Variants in PER3 observed in about 807,000 individuals in gnomAD.
PER3 encodes period circadian regulator 3, also known as period circadian protein homolog 3.
A neutral mutation model predicts 127.2 loss-of-function variants in PER3; 107 were observed. That is an observed-to-expected ratio of 0.84 (90% CI 0.72 to 0.99). PER3 has a LOEUF of 0.99. PER3 is among the 50% of genes least tolerant of loss of function. PER3 has a pLI of 0.00. For missense variants in PER3, 1,560 were observed against 1,525.8 expected (o/e 1.02, Z -0.37); for synonymous variants, 618 against 585.8 (o/e 1.05, Z -0.79).
intron 19 of PER3, among the ~76,000 whole-genome samples, chr1:7,832,231 T>G (rs2097334556): frequency 6.6e-6 from 1 of 152,086 alleles, no homozygotes; most frequent in Non-Finnish European, 1.5e-5. Flanking sequence ...ACCCCTCTTA[T>G]TGCTGGTATT....
At position 7,826,505 on chromosome 1, in the gene PER3, GC is replaced by G; in HGVS notation, c.1986del (p.Trp663GlyfsTer3). The G allele has an allele frequency of 6.2e-7, 1 of 1,612,654 alleles. No individual in the cohort carries two copies. The highest frequency in any genetic ancestry group is 1.3e-5 in the African/African-American group (1 of 74,984). The stretch of plus-strand genomic sequence containing the variant: ...CCAGGGATGCTACCCTCTTCTGTGA[GC>G]CCTGGACCCTGAACATGCAGCCAGC... ...TARDATLFCE[P>X]WTLNMQPAPL... On this transcript the variant is annotated frameshift_variant, in exon 17 of 22. Transcript: ENST00000377532. LOFTEE classifies it high-confidence loss of function. The surrounding 1 kb of genome is among the most constrained non-coding windows in gnomAD (Gnocchi z 4.2).
In PER3 at chr1:7,835,882, C is replaced by T. The variant is rs1288110619; in HGVS notation, c.3335C>T (p.Pro1112Leu). 1.2e-6 allele frequency: 2 copies of T among 1,611,392 alleles called. No individual in the cohort carries two copies. Among genetic ancestry groups the T allele is most frequent in the East Asian group, 2.2e-5 (1 of 44,876 alleles). Residue 1112 changes from proline (P) to leucine (L), a missense_variant, in exon 20 of 22, where the codon CCC becomes CTC. Transcript: ENST00000377532. ...KETFPNVAEE[P>L]IWRMIRQTPE... ...ACATTTCCTAATGTCGCCGAAGAGC[C>T]CATCTGGAGAATGATACGGCAGACA... is the stretch of plus-strand genomic sequence containing the variant.
intron 16 of PER3, among the ~76,000 whole-genome samples, chr1:7,823,958 G>A (rs2097289741): frequency 6.6e-6 from 1 of 152,116 alleles, no homozygotes; most frequent in African/African-American, 2.4e-5. Context: ...TCTGGCTAGT[G>A]AATTAAATTA....
intron 13 of PER3, among the ~76,000 whole-genome samples, chr1:7,815,925 G>T (rs2097247413): frequency 7.2e-6 from 1 of 139,386 alleles, no homozygotes; most frequent in Admixed American, 8.1e-5. Flanking sequence ...CCCAGGAGGT[G>T]GAACTTGCAG....
At position 7,788,098 on chromosome 1, in the gene PER3, T is replaced by TGAAC. The variant is rs779843477; in HGVS notation, c.445_448dup (p.Gln150ArgfsTer10). The TGAAC allele has an allele frequency of 6.2e-7, 1 of 1,614,098 alleles. No homozygotes were observed. Among genetic ancestry groups the TGAAC allele is most frequent in the Admixed American group, 1.7e-5 (1 of 60,026 alleles). ...TGTCTGGAAGGTTAGTGCACATTTCTGAACAGGCTGCTTTGATCCTGAATC... is the reference window on the plus strand; with the variant it reads ...TGTCTGGAAGGTTAGTGCACATTTCTGAACGAACAGGCTGCTTTGATCCTGAATC... On this transcript the variant is annotated frameshift_variant, in exon 5 of 22. Coordinates refer to ENST00000377532, the MANE Select transcript of PER3 (RefSeq NM_001377275.1). LOFTEE classifies it high-confidence loss of function.
At chr1:7,792,649 A>T (rs2097127298) in intron 5 of PER3, among the ~76,000 whole-genome samples, 1 of 152,150 alleles carries the variant, frequency 6.6e-6, no homozygotes, top group Non-Finnish European at 1.5e-5. Context: ...CCTTACTTTG[A>T]GCACATAGAA....
At chr1:7,817,164 G>A (rs2097255291) in intron 13 of PER3, among the ~76,000 whole-genome samples, 1 of 152,240 alleles carries the variant, frequency 6.6e-6, no homozygotes, top group African/African-American at 2.4e-5. Context: ...AGAGAAGGAG[G>A]TGACTACAGA....
intron 19 of PER3, among the ~76,000 whole-genome samples, chr1:7,831,655 G>A (rs1323751643): frequency 6.6e-6 from 1 of 152,184 alleles, no homozygotes; most frequent in South Asian, 2.1e-4. Context: ...TTCTGCGTCT[G>A]TTGAGATAAT....
At chr1:7,809,673 C>T (rs79898259) in intron 11 of PER3, among the ~76,000 whole-genome samples, 7,431 of 152,210 alleles carry the variant, frequency 0.049, 635 homozygotes, top group East Asian at 0.27. Flanking sequence ...CTGGAAATAC[C>T]TACCTAGACT....
At chr1:7,829,754 C>A in intron 18 of PER3, 80 bp from the exon 19 acceptor site, 2 of 1,241,602 alleles carry the variant, frequency 1.6e-6, no homozygotes, top group Admixed American at 2.0e-5. Context: ...CTACAGAAAG[C>A]AAAACCATGA....
intron 13 of PER3, among the ~76,000 whole-genome samples, chr1:7,816,278 TAA>T (rs149246923): frequency 0.074 from 11,307 of 152,068 alleles, 520 homozygotes; most frequent in Middle Eastern, 0.13. Flanking sequence ...ATAAAATTAA[TAA>T]GTCTTTAGCC....
intron 13 of PER3, among the ~76,000 whole-genome samples, chr1:7,814,707 A>C (rs1344044614): frequency 6.6e-6 from 1 of 152,220 alleles, no homozygotes; most frequent in African/African-American, 2.4e-5. Context: ...AATTAATCAT[A>C]AAGATAATGG....
Position 7,819,310 on chromosome 1 carries a change from C to G in PER3, c.1548C>G (p.Phe516Leu), listed in dbSNP as rs750382928. 6.2e-7 allele frequency: 1 copy of G among 1,613,650 alleles called. No individual in the cohort carries two copies. Among genetic ancestry groups the G allele is most frequent in the African/African-American group, 1.3e-5 (1 of 75,022 alleles). The change falls in exon 14 of 22, where the codon TTC (phenylalanine) becomes TTG (leucine). Residue 516 changes from phenylalanine (F) to leucine (L), a missense_variant. Phe to Leu is a conservative substitution (Grantham distance 22). Around this residue, in one of 3 missense-constraint regions of PER3, gnomAD observed 1,332 missense variants for 1,223.6 expected, o/e 1.09. Transcript: ENST00000377532. ...GGGECKTFTS[F>L]HQTLKNNSVY... is the part of the protein sequence containing the mutation. Reference sequence around the variant, plus strand: ...GTGAATGTAAGACCTTTACTTCCTTCCACCAAACACTGAAAAACAATAGTG... The same window carrying G: ...GTGAATGTAAGACCTTTACTTCCTTGCACCAAACACTGAAAAACAATAGTG...
Position 7,810,576 on chromosome 1 carries a change from G to A in PER3, c.1510G>A (p.Ala504Thr), listed in dbSNP as rs779748304. The change falls in exon 13 of 22, where the codon GCG (alanine) becomes ACG (threonine). Residue 504 changes from alanine (A) to threonine (T), a missense_variant. This residue lies in a region of PER3 where 1,332 missense variants were observed against 1,223.6 expected (regional missense o/e 1.09). Transcript: ENST00000377532. Reference sequence around the variant, plus strand: ...AGAACCGAATGGTGGTGGTGAGTCAGCGAATGGTGGTGGTGAGTCAGCCGG... The same window carrying A: ...AGAACCGAATGGTGGTGGTGAGTCAACGAATGGTGGTGGTGAGTCAGCCGG... ...RTEPNGGGES[A>T]NGGGECKTFT... 24 of 1,609,314 alleles carry A rather than the reference G, an allele frequency of 1.5e-5. No homozygotes were observed. The highest frequency in any genetic ancestry group is 2.0e-5 in the Non-Finnish European group (23 of 1,178,374).
chr1:7,818,352 AG>A (rs2097260731), intron 13 of PER3, among the ~76,000 whole-genome samples: 1 of 152,258 alleles, frequency 6.6e-6, no homozygotes, highest in South Asian at 2.1e-4. Context: ...AATGAGTGAA[AG>A]GTAATACAGT....
intron 13 of PER3, 138 bp from the exon 14 acceptor site, chr1:7,819,147 C>T: frequency 1.5e-6 from 1 of 649,666 alleles, no homozygotes. Flanking sequence ...TTTAGATCTG[C>T]ACTCATTTTT....
chr1:7,789,140 A>AATATATATAT (rs59535110), intron 5 of PER3, among the ~76,000 whole-genome samples: 4,726 of 133,076 alleles, frequency 0.036, 122 homozygotes, highest in Non-Finnish European at 0.052. Context: ...AGAGCTTTAA[A>AATATATATAT]ATATATATAT....
rs1447943072 is a variant in PER3, at chr1:7,806,838, AC to A, written c.1137-2054del. Among the ~76,000 whole-genome samples, 11 of 106,396 alleles carry A rather than the reference AC, an allele frequency of 1.0e-4. No individual in the cohort carries two copies. The East Asian group carries it at 4.2e-3, about 40-fold the overall frequency. The allele number at this position is 106,396 out of a possible 152,430, so 69.8% of individuals were successfully genotyped here. A position where few individuals can be genotyped will look rare whatever the true frequency, so the allele number is the denominator to read the frequency against. The stretch of plus-strand genomic sequence containing the variant: ...ATATATATATATATATATATATATT[AC>A]ATACACACACACACATACATACACA... On this transcript the variant is annotated intron_variant, in intron 10 of 21. Coordinates refer to ENST00000377532, the MANE Select transcript of PER3 (RefSeq NM_001377275.1).
intron 7 of PER3, among the ~76,000 whole-genome samples, chr1:7,799,099 A>T (rs1311398132): frequency 2.0e-5 from 3 of 152,240 alleles, no homozygotes; most frequent in African/African-American, 7.2e-5. Flanking sequence ...GAGCAGAACT[A>T]TATTTCTAAA....
Sources: gnomAD v4.1 joint callset for allele counts (sites outside exome capture counted in the v4.1 genomes callset) on GRCh38, gnomAD v4.1.1 for gene constraint, gnomAD v4.1.1 regional missense constraint, Gnocchi (gnomAD v3.1) non-coding constraint, MANE v1.5 for transcripts, NCBI Gene and HGNC (gene_info 2026-07-23, HGNC 2026-07-21) for gene names.